Variants in CNTN4 observed in about 807,000 individuals in gnomAD.
The protein encoded by CNTN4 is contactin-4.
In CNTN4, 77 loss-of-function variants were observed where a neutral mutation model predicts 122.5. That is an observed-to-expected ratio of 0.63 (90% confidence interval 0.52 to 0.76). The LOEUF (loss-of-function observed/expected upper bound fraction) is 0.76. Among genes scored for constraint, CNTN4 ranks in the 30% least tolerant of loss-of-function variants. CNTN4 has a pLI of 0.00. For missense variants in CNTN4, 1,256 were observed against 1,259.1 expected, an observed-to-expected ratio of 1.00 and a Z score of 0.04; for synonymous variants, 512 against 447.0, an observed-to-expected ratio of 1.15 and a Z score of -1.83.
chr3:2,513,714 A>G lies in CNTN4; in HGVS notation c.-88-57702A>G, dbSNP rs13320895. ...GCAAGATTTGTAGTTTGCTTCTATT[A>G]CTTTCGGAATGTTTAGATAATTTTA... On this transcript the variant is annotated intron_variant, in intron 3 of 24. Coordinates refer to ENST00000418658, the MANE Select transcript of CNTN4 (RefSeq NM_175607.3). Among the ~76,000 whole-genome samples the G allele has an allele frequency of 6.6e-3, 1,004 of 152,256 alleles. 11 individuals are homozygous for G. The highest frequency in any genetic ancestry group is 0.022 in the African/African-American group (929 of 41,548).
In CNTN4 at chr3:2,900,740, T is replaced by C. The variant is rs1435960491; in HGVS notation, c.996T>C (p.Asn332=). ...ATATTCACGTGGCCATGGAAGAAAA[T>C]GTCTTTTGGGAATGTAAAGCAAATG... ...INDIHVAMEE[N]VFWECKANGR... Residue 332 remains asparagine (N), a synonymous_variant, in exon 11 of 25, where the codon AAT becomes AAC. Transcript: ENST00000418658. 6.2e-7 allele frequency: 1 copy of C among 1,613,680 alleles called. No homozygotes were observed. The highest frequency in any genetic ancestry group is 8.5e-7 in the Non-Finnish European group (1 of 1,179,812).
At chr3:2,891,048 T>C (rs1365069324) in intron 10 of CNTN4, among the ~76,000 whole-genome samples, 3 of 152,200 alleles carry the variant, frequency 2.0e-5, no homozygotes, top group Non-Finnish European at 2.9e-5. Context: ...GCACTATGGC[T>C]GCAAGACAAA....
At chr3:2,638,759 T>A (rs1236557215) in intron 4 of CNTN4, among the ~76,000 whole-genome samples, 1 of 152,204 alleles carries the variant, frequency 6.6e-6, no homozygotes, top group Non-Finnish European at 1.5e-5. Flanking sequence ...CACCTGCACA[T>A]GTCCCCATTT....
chr3:2,657,126 A>G (rs992692777), intron 4 of CNTN4, among the ~76,000 whole-genome samples: 1 of 152,242 alleles, frequency 6.6e-6, no homozygotes, highest in Non-Finnish European at 1.5e-5. Flanking sequence ...GGTTAATGTC[A>G]TGAAGTACTT....
intron 14 of CNTN4, among the ~76,000 whole-genome samples, chr3:3,004,349 A>T (rs1696381711): frequency 6.6e-6 from 1 of 152,158 alleles, no homozygotes; most frequent in Non-Finnish European, 1.5e-5. Context: ...TATTCCTAGA[A>T]AACACTGTTG....
intron 16 of CNTN4, among the ~76,000 whole-genome samples, chr3:3,032,884 G>A (rs1699293938): frequency 6.6e-6 from 1 of 152,100 alleles, no homozygotes; most frequent in African/African-American, 2.4e-5. Flanking sequence ...AACAAAGTTG[G>A]TAAACATTCT....
At chr3:2,916,092 G>A (rs1306655023) in intron 12 of CNTN4, among the ~76,000 whole-genome samples, 2 of 152,190 alleles carry the variant, frequency 1.3e-5, no homozygotes, top group South Asian at 2.1e-4. Flanking sequence ...AAACATTCTC[G>A]CAATGAGTTG....
chr3:3,043,088 T>G lies in CNTN4; in HGVS notation c.2623T>G (p.Leu875Val). The G allele has an allele frequency of 6.2e-7, 1 of 1,614,236 alleles. No homozygotes were observed. The highest frequency in any genetic ancestry group is 8.5e-7 in the Non-Finnish European group (1 of 1,180,042). The change falls in exon 22 of 25, where the codon TTA becomes GTA. Residue 875 changes from leucine (L) to valine (V), a missense_variant. By Grantham distance (32) the Leu-to-Val change is conservative. Transcript: ENST00000418658. Reference sequence around the variant, plus strand: ...CTTAAAAGGCAGTGTGCTGTATCACTTAGCTGTCAAGGCATATAATTCTGC... The same window carrying G: ...CTTAAAAGGCAGTGTGCTGTATCACGTAGCTGTCAAGGCATATAATTCTGC... ...TNLKGSVLYH[L>V]AVKAYNSAGT...
intron 6 of CNTN4, among the ~76,000 whole-genome samples, chr3:2,771,996 C>T (rs73121160): frequency 4.1e-4 from 63 of 152,216 alleles, no homozygotes; most frequent in Middle Eastern, 3.4e-3. Flanking sequence ...GACATGGAAA[C>T]ATTCCATGTT....
chr3:2,299,778 TCTC>T (rs2042439589), intron 2 of CNTN4, among the ~76,000 whole-genome samples: 1 of 152,140 alleles, frequency 6.6e-6, no homozygotes, highest in African/African-American at 2.4e-5. Flanking sequence ...AGTGTTATAT[TCTC>T]CTCAAAATAA....
intron 2 of CNTN4, among the ~76,000 whole-genome samples, chr3:2,265,705 A>G (rs2041015603): frequency 1.3e-5 from 2 of 151,752 alleles, no homozygotes; most frequent in African/African-American, 2.4e-5. Flanking sequence ...TGAACATGGG[A>G]TATTTCTTCA....
chr3:2,438,105 C>T (rs1331981393), intron 3 of CNTN4, among the ~76,000 whole-genome samples: 1 of 152,196 alleles, frequency 6.6e-6, no homozygotes, highest in African/African-American at 2.4e-5. Context: ...TTGACCTCCG[C>T]AAGGTCATAG....
At chr3:2,799,529 C>A (rs1450255259) in intron 6 of CNTN4, among the ~76,000 whole-genome samples, 2 of 151,996 alleles carry the variant, frequency 1.3e-5, no homozygotes, top group Non-Finnish European at 2.9e-5. Context: ...GTGGCACAAT[C>A]TCGGGTCACT....
intron 3 of CNTN4, among the ~76,000 whole-genome samples, chr3:2,534,092 A>G (rs2077705339): frequency 2.0e-5 from 3 of 152,090 alleles, no homozygotes; most frequent in African/African-American, 7.2e-5. Flanking sequence ...TTTGTTGTGC[A>G]GAAGCTCTTT....
intron 13 of CNTN4, among the ~76,000 whole-genome samples, chr3:2,986,061 C>T (rs1694541073): frequency 6.6e-6 from 1 of 151,904 alleles, no homozygotes; most frequent in Admixed American, 6.6e-5. Context: ...ACTATAGGCT[C>T]AAGCCAGCAC....
intron 3 of CNTN4, among the ~76,000 whole-genome samples, chr3:2,560,170 C>T (rs895009319): frequency 6.7e-6 from 1 of 148,342 alleles, no homozygotes; most frequent in African/African-American, 2.5e-5. Flanking sequence ...GACAGGGTTT[C>T]ACTCCCATCA....
At position 3,003,684 on chromosome 3, in the gene CNTN4, CAAA is replaced by C. The variant is rs58290160; in HGVS notation, c.1486+15240_1486+15242del. The stretch of plus-strand genomic sequence containing the variant: ...AATTAGATAGTAGTCATGGTTGCAC[CAAA>C]AAAAAAAAAAAAAAAAAAAAAAAAA... On this transcript the variant is annotated intron_variant, in intron 14 of 24. Transcript: ENST00000418658. Among the ~76,000 whole-genome samples the C allele has an allele frequency of 2.9e-3, 227 of 76,986 alleles. 2 individuals are homozygous for C. Among genetic ancestry groups the C allele is most frequent in the South Asian group, 6.7e-3 (10 of 1,490 alleles). The allele number at this position is 76,986 out of a possible 152,430, so 50.5% of individuals were successfully genotyped here.
chr3:2,710,524 A>AT (rs1473209703), intron 4 of CNTN4, among the ~76,000 whole-genome samples: 6 of 151,932 alleles, frequency 3.9e-5, no homozygotes, highest in Admixed American at 3.3e-4. Flanking sequence ...AAGGAAACTA[A>AT]TTTTTTTTGT....
At chr3:3,042,489 A>G in intron 21 of CNTN4, 67 bp downstream of exon 21, 2 of 1,028,552 alleles carry the variant, frequency 1.9e-6, no homozygotes, top group Non-Finnish European at 3.1e-6. Flanking sequence ...CCTCCAAGTC[A>G]CATTCTTATA....
Sources: gnomAD v4.1 joint callset for allele counts (sites outside exome capture counted in the v4.1 genomes callset) on GRCh38, gnomAD v4.1.1 for gene constraint, MANE v1.5 for transcripts, NCBI Gene and HGNC (gene_info 2026-07-23, HGNC 2026-07-21) for gene names.